CARD8: variants seen among roughly 807,000 people sequenced by gnomAD.
The protein encoded by CARD8 is caspase recruitment domain-containing protein 8.
Under a neutral mutation model 53.2 loss-of-function variants are expected in CARD8, and 38 were observed. That is an observed-to-expected ratio of 0.71 (90% CI 0.55 to 0.94). The LOEUF (loss-of-function observed/expected upper bound fraction) is 0.94, where lower values mean the gene tolerates loss of function less well. Among genes scored for constraint, CARD8 ranks in the 40% least tolerant of loss-of-function variants. The pLI, the probability that CARD8 is intolerant of heterozygous loss-of-function variation, is 0.00. For synonymous variants in CARD8, 245 were observed against 244.9 expected, an observed-to-expected ratio of 1.00 and a Z score of 0.00; for missense variants, 561 against 655.5, an observed-to-expected ratio of 0.86 and a Z score of 1.57.
chr19:48,219,440 T>G (rs545276535), intron 11 of CARD8, among the ~76,000 whole-genome samples: 2 of 152,236 alleles, frequency 1.3e-5, no homozygotes, highest in African/African-American at 4.8e-5. Flanking sequence ...CTCTCTGTTT[T>G]GCACCCAGTC....
intron 12 of CARD8, among the ~76,000 whole-genome samples, chr19:48,216,591 G>A (rs2039354918): frequency 6.6e-6 from 1 of 152,182 alleles, no homozygotes; most frequent in Non-Finnish European, 1.5e-5. Flanking sequence ...CTCAACAAGA[G>A]GGCAGTTTGC....
chr19:48,204,083 T>C (rs1402823167), downstream of CARD8: 3 of 445,522 alleles, frequency 6.7e-6, no homozygotes, highest in Non-Finnish European at 9.0e-6. Context: ...CCGCTGAGCA[T>C]TGTGGGGCCC....
intron 3 of CARD8, among the ~76,000 whole-genome samples, chr19:48,243,951 G>A (rs1159731163): frequency 6.6e-6 from 1 of 152,230 alleles, no homozygotes; most frequent in Non-Finnish European, 1.5e-5. Flanking sequence ...TTGAGACTTG[G>A]TCTACAGTCT....
Position 48,246,618 on chromosome 19 carries a change from T to TAAA in CARD8, c.-44+2902_-44+2904dup, listed in dbSNP as rs3078196. 6.8e-4 allele frequency among the ~76,000 whole-genome samples: 103 copies of TAAA among 150,584 alleles called. 2 individuals carry two copies. Among genetic ancestry groups the TAAA allele is most frequent in the South Asian group, 4.6e-3 (22 of 4,774 alleles). ...GATACATGAAATAGAAAATCAATAA[T>TAAA]AAAAAAAAACATTGCTCTAGAAATA... On this transcript the variant is annotated intron_variant, in intron 3 of 13. Coordinates refer to ENST00000651546, the MANE Select transcript of CARD8 (RefSeq NM_001184900.3).
chr19:48,255,080 G>T (rs1389255452), intron 1 of CARD8, among the ~76,000 whole-genome samples: 1 of 152,050 alleles, frequency 6.6e-6, no homozygotes, highest in Non-Finnish European at 1.5e-5. Context: ...AATAAACATT[G>T]TTTCCGGCTG....
intron 13 of CARD8, among the ~76,000 whole-genome samples, chr19:48,213,696 A>C (rs574517631): frequency 3.9e-5 from 6 of 152,308 alleles, no homozygotes; most frequent in African/African-American, 1.4e-4. Context: ...TAAATAATGT[A>C]AATAATTTTT....
rs532959739 is a variant in CARD8 at position 48,220,745 on chromosome 19, C to A, written c.1161+985G>T. On this transcript the variant is annotated intron_variant, in intron 11 of 13. Transcript: ENST00000651546. ...TGGCCAACATGGTGAAACCCCGTCT[C>A]TACTAAAAATAAAAAATCAGCCGGG... Among the ~76,000 whole-genome samples the A allele has an allele frequency of 1.4e-4, 22 of 152,058 alleles. No individual in the cohort carries two copies. In the South Asian group the frequency reaches 4.6e-3, roughly 32 times the overall value.
chr19:48,212,724 G>A (rs1432945598), intron 13 of CARD8, among the ~76,000 whole-genome samples: 1 of 152,206 alleles, frequency 6.6e-6, no homozygotes, highest in East Asian at 1.9e-4. Flanking sequence ...TTTAGGAAGG[G>A]TAGAAGCCTT....
At chr19:48,242,167 G>A (rs9807869) in intron 3 of CARD8, among the ~76,000 whole-genome samples, 10,528 of 152,128 alleles carry the variant, frequency 0.069, 1,125 homozygotes, top group African/African-American at 0.24. Context: ...AGGAGATGGG[G>A]CCTTCGGGAG....
chr19:48,221,008 A>AAAAAAAG (rs1555806508), intron 11 of CARD8, among the ~76,000 whole-genome samples: 58 of 122,040 alleles, frequency 4.8e-4, no homozygotes, highest in Non-Finnish European at 8.2e-4. Context: ...GAAAGAAAGA[A>AAAAAAAG]AAAGAAAGAA....
At chr19:48,231,859 A>G in intron 7 of CARD8, 49 bp from the exon 8 acceptor site, 1 of 1,584,360 alleles carries the variant, frequency 6.3e-7, no homozygotes, top group Non-Finnish European at 8.7e-7. Flanking sequence ...TGGAAGAGGC[A>G]TGGCCTGAAG....
Position 48,232,980 on chromosome 19 carries a change from G to A in CARD8, c.351-487C>T, listed in dbSNP as rs917343367. On this transcript the variant is annotated intron_variant, in intron 6 of 13. Transcript: ENST00000651546. Reference sequence around the variant, plus strand: ...TTGATTGCTCCGATTGGTATCATACGATGTCGGAATCAAAGACTGAAGCAG... The same window carrying A: ...TTGATTGCTCCGATTGGTATCATACAATGTCGGAATCAAAGACTGAAGCAG... 5.9e-5 allele frequency: 21 copies of A among 356,736 alleles called. No homozygotes were observed. The East Asian group carries it at 8.1e-4, about 14-fold the overall frequency. 22.1% of individuals were successfully genotyped at this position (356,736 alleles called of 1,614,324 possible).
At chr19:48,224,756 CTT>C (rs10533384) in intron 10 of CARD8, among the ~76,000 whole-genome samples, 82,900 of 134,792 alleles carry the variant, frequency 0.62, 24,667 homozygotes, top group East Asian at 0.7. Flanking sequence ...TCACCTTGTG[CTT>C]TTTTTTTTTT....
At position 48,210,404 on chromosome 19, in the gene CARD8, A is replaced by G. The variant is rs1001537353; in HGVS notation, c.*1306T>C. On this transcript the variant is annotated 3_prime_UTR_variant, in exon 14 of 14. Transcript: ENST00000651546. ...GAAATTTGGAAAATAATGAAGGAAG[A>G]GCAACAGAAATGGTAAATATCTGGA... 1 of 152,208 alleles carries G rather than the reference A, an allele frequency of 6.6e-6. No homozygotes were observed. The highest frequency in any genetic ancestry group is 1.5e-5 in the Non-Finnish European group (1 of 68,030). The allele number at this position is 152,208 out of a possible 1,614,324, so 9.4% of individuals were successfully genotyped here.
chr19:48,230,360 G>A (rs2042613617), intron 10 of CARD8, 78 bp downstream of exon 10: 21 of 1,465,272 alleles, frequency 1.4e-5, no homozygotes, highest in Middle Eastern at 2.0e-4. Flanking sequence ...TCTGTTCCAC[G>A]AGGAACTGGA....
intron 3 of CARD8, among the ~76,000 whole-genome samples, chr19:48,245,363 C>T (rs1183746431): frequency 6.6e-6 from 1 of 152,018 alleles, no homozygotes. Context: ...ACATGCACCA[C>T]CATGCCTGGC....
intron 11 of CARD8, among the ~76,000 whole-genome samples, chr19:48,220,614 C>A (rs1432133379): frequency 6.6e-6 from 1 of 152,086 alleles, no homozygotes; most frequent in African/African-American, 2.4e-5. Context: ...TGTGAGACAT[C>A]TTTGAAAATC....
At chr19:48,216,239 T>A (rs2039271905) in intron 12 of CARD8, among the ~76,000 whole-genome samples, 1 of 150,396 alleles carries the variant, frequency 6.6e-6, no homozygotes, top group South Asian at 2.1e-4. Flanking sequence ...AAATGGAGAG[T>A]GTGGTGGCAT....
At chr19:48,227,606 C>T (rs1038231829) in intron 10 of CARD8, among the ~76,000 whole-genome samples, 2 of 151,974 alleles carry the variant, frequency 1.3e-5, no homozygotes, top group South Asian at 2.1e-4. Context: ...AGTTCAAGAC[C>T]AGCCTGTCCA....
Sources: allele counts gnomAD v4.1 joint callset (sites outside exome capture counted in the v4.1 genomes callset), GRCh38; gene constraint gnomAD v4.1.1; transcripts MANE v1.5; gene names NCBI Gene and HGNC (gene_info 2026-07-23, HGNC 2026-07-21).